Variants in MYOG observed in about 807,000 individuals in gnomAD.
MYOG encodes the protein myogenin.
MYOG carries 6 observed loss-of-function variants against 17.7 expected under a neutral mutation model. The observed-to-expected ratio is 0.34, with a 90% CI of 0.19 to 0.67. MYOG has a LOEUF of 0.67. MYOG is among the 30% of genes least tolerant of loss of function. The probability of loss-of-function intolerance (pLI) is 0.69; values close to 1 mark genes in which losing one functional copy is unlikely to be tolerated. For synonymous variants in MYOG, 125 were observed against 130.2 expected (o/e 0.96, Z 0.27); for missense variants, 272 against 302.0 (o/e 0.90, Z 0.74).
rs376105946 is a variant in MYOG at position 203,085,570 on chromosome 1, C to T, written c.392G>A (p.Arg131His). 1.4e-5 allele frequency: 22 copies of T among 1,614,056 alleles called. No individual in the cohort carries two copies. The highest frequency in any genetic ancestry group is 1.6e-4 in the Middle Eastern group (1 of 6,084). Residue 131 changes from arginine to histidine, a missense_variant, in exon 1 of 3, where the codon CGC (arginine) becomes CAC (histidine). By Grantham distance (29) the Arg-to-His change is conservative. Coordinates refer to ENST00000241651, the MANE Select transcript of MYOG (RefSeq NM_002479.6). ...ILRSAIQYIERLQALLSSLNQ... is the reference protein window; with the variant it reads ...ILRSAIQYIEHLQALLSSLNQ... ...GAGGGAGCTGAGCAGGGCCTGGAGG[C>T]GCTCGATGTACTGGATGGCACTGCG...
intron 1 of MYOG, 130 bp downstream of exon 1, chr1:203,085,361 C>T: frequency 1.2e-6 from 1 of 821,330 alleles, no homozygotes; most frequent in Non-Finnish European, 1.9e-6. Context: ...CAGGGAAGGG[C>T]TCCTGCAGCC....
chr1:203,084,131 G>T, intron 2 of MYOG, 100 bp from the exon 3 acceptor site: 1 of 1,456,302 alleles, frequency 6.9e-7, no homozygotes, highest in Non-Finnish European at 9.3e-7. Context: ...GGTTTTCCAG[G>T]ACAGATGAAT....
rs919519974 is a variant in MYOG at position 203,084,647 on chromosome 1, C to A, written c.553G>T (p.Asp185Tyr). Residue 185 changes from aspartate (D) to tyrosine (Y), a missense_variant and splice_region_variant, in exon 2 of 3, where the codon GAT (aspartate) becomes TAT (tyrosine). Physicochemically the swap from Asp to Tyr is radical, Grantham distance 160 (BLOSUM62 -3). Transcript: ENST00000241651. The part of the protein sequence containing the change: ...SALEFSANPG[D>Y]HLLTADPTDA... ...AGGTTACCAGTCAGGCCTTACTTAC[C>A]CCCTGGGTTGGCGCTGAACTCCAGT... The A allele has an allele frequency of 6.2e-7, 1 of 1,609,574 alleles. No individual in the cohort carries two copies. Among genetic ancestry groups the A allele is most frequent in the Non-Finnish European group, 8.5e-7 (1 of 1,177,884 alleles).
chr1:203,085,990 C>T lies in MYOG; in HGVS notation c.-29G>A, dbSNP rs534265079. ...GTCGGAAAAGGCTTGTTCCTGCCACCAGCCCCCAAGCTCCAGCAGCCCCTC... is the reference window on the plus strand; with the variant it reads ...GTCGGAAAAGGCTTGTTCCTGCCACTAGCCCCCAAGCTCCAGCAGCCCCTC... On this transcript the variant is annotated 5_prime_UTR_variant, in exon 1 of 3. Transcript: ENST00000241651. 4.2e-5 allele frequency: 63 copies of T among 1,482,594 alleles called. No homozygotes were observed. In the South Asian group the frequency reaches 7.7e-4, roughly 18 times the overall value. The allele number at this position is 1,482,594 out of a possible 1,614,324, so 91.8% of individuals were successfully genotyped here.
At chr1:203,085,429 C>G (rs1571761950) in intron 1 of MYOG, 62 bp downstream of exon 1, 2 of 1,445,762 alleles carry the variant, frequency 1.4e-6, no homozygotes, top group East Asian at 4.8e-5. Context: ...GGTCTTGAGG[C>G]TGTCCAGGTG....
In MYOG at chr1:203,085,596, C is replaced by T. The variant is rs759205441; in HGVS notation, c.366G>A (p.Leu122=). Residue 122 remains leucine (L), a synonymous_variant, in exon 1 of 3, where the codon CTG becomes CTA. Coordinates refer to ENST00000241651, the MANE Select transcript of MYOG (RefSeq NM_002479.6). ...GCTCGATGTACTGGATGGCACTGCG[C>T]AGGATCTCCACCTTGGGCAGCCGCT... ...PNQRLPKVEI[L]RSAIQYIERL... 1 of 1,614,202 alleles carries T rather than the reference C, an allele frequency of 6.2e-7. No individual in the cohort carries two copies. The highest frequency in any genetic ancestry group is 1.1e-5 in the South Asian group (1 of 91,086).
In MYOG at chr1:203,083,677, G is replaced by C. The variant is rs1653550289; in HGVS notation, c.*233C>G. The C allele has an allele frequency of 3.2e-6, 2 of 628,518 alleles. No homozygotes were observed. The highest frequency in any genetic ancestry group is 4.4e-4 in the Middle Eastern group (1 of 2,284). 38.9% of individuals were successfully genotyped at this position (628,518 alleles called of 1,614,324 possible). A position where few individuals can be genotyped will look rare whatever the true frequency, so the allele number is the denominator to read the frequency against. On this transcript the variant is annotated 3_prime_UTR_variant, in exon 3 of 3. Transcript: ENST00000241651. ...CTCTGGTCCCCTGCTTTACCTCCCTGGAAAGGGGATGCCCTCTCCTCTAAG... is the reference window on the plus strand; with the variant it reads ...CTCTGGTCCCCTGCTTTACCTCCCTCGAAAGGGGATGCCCTCTCCTCTAAG...
rs778917316 is a variant in MYOG, at chr1:203,084,701, C to T, written c.499G>A (p.Ala167Thr). ...GVPSECSSHS[A>T]SCSPEWGSAL... is the part of the protein sequence containing the mutation. ...CTGCCCCACTCTGGACTGCAGGAGG[C>T]GCTGTGAGAGCTGCATTCGCTGGGC... The change falls in exon 2 of 3, where the codon GCC becomes ACC. Residue 167 changes from alanine (A) to threonine (T), a missense_variant. By Grantham distance (58) the Ala-to-Thr change is moderately conservative. Transcript: ENST00000241651. 3.5e-5 allele frequency: 57 copies of T among 1,611,144 alleles called. No homozygotes were observed. In the South Asian group the frequency reaches 5.6e-4, roughly 16 times the overall value.
rs1296818935 is a variant in MYOG at position 203,084,678 on chromosome 1, G to T, written c.522C>A (p.Gly174=). 1 of 1,611,436 alleles carries T rather than the reference G, an allele frequency of 6.2e-7. No homozygotes were observed. Among genetic ancestry groups the T allele is most frequent in the Non-Finnish European group, 8.5e-7 (1 of 1,178,866 alleles). ...SHSASCSPEW[G]SALEFSANPG... is the part of the protein sequence containing the mutation. Reference sequence around the variant, plus strand: ...GGTTGGCGCTGAACTCCAGTGCACTGCCCCACTCTGGACTGCAGGAGGCGC... The same window carrying T: ...GGTTGGCGCTGAACTCCAGTGCACTTCCCCACTCTGGACTGCAGGAGGCGC... The change falls in exon 2 of 3, where the codon GGC becomes GGA. Residue 174 remains glycine, a synonymous_variant. Transcript: ENST00000241651.
At chr1:203,084,554 G>A in intron 2 of MYOG, 93 bp downstream of exon 2, 1 of 1,162,288 alleles carries the variant, frequency 8.6e-7, no homozygotes, top group Non-Finnish European at 1.3e-6. Context: ...CAAGGGAAGA[G>A]GACCGGAGCA....
Position 203,083,384 on chromosome 1 carries a change from C to A in MYOG, c.*526G>T. 3.4e-6 allele frequency: 1 copy of A among 292,810 alleles called. No homozygotes were observed. The highest frequency in any genetic ancestry group is 4.9e-5 in the Admixed American group (1 of 20,416). 18.1% of individuals were successfully genotyped at this position (292,810 alleles called of 1,614,324 possible). On this transcript the variant is annotated 3_prime_UTR_variant, in exon 3 of 3. Transcript: ENST00000241651. ...CAAAACATAAAACCACTGGAAGGTT[C>A]CCAATATTCACTGCAAAAGTTTGGC...
At position 203,083,706 on chromosome 1, in the gene MYOG, G is replaced by A. The variant is rs1245827800; in HGVS notation, c.*204C>T. The A allele has an allele frequency of 3.2e-5, 23 of 724,246 alleles. No homozygotes were observed. Among genetic ancestry groups the A allele is most frequent in the Non-Finnish European group, 4.7e-5 (21 of 447,412 alleles). The allele number at this position is 724,246 out of a possible 1,614,324, so 44.9% of individuals were successfully genotyped here. On this transcript the variant is annotated 3_prime_UTR_variant, in exon 3 of 3. Coordinates refer to ENST00000241651, the MANE Select transcript of MYOG (RefSeq NM_002479.6). ...AGGGGATGCCCTCTCCTCTAAGGAG[G>A]CAGCTGAATGAGGGCGTCCAGTCCC...
At chr1:203,085,221 C>A (rs570210495) in intron 1 of MYOG, among the ~76,000 whole-genome samples, 28 of 152,294 alleles carry the variant, frequency 1.8e-4, no homozygotes, top group Non-Finnish European at 3.2e-4. Context: ...CTGACTGTGG[C>A]CTTGCTCCTG....
Position 203,083,642 on chromosome 1 carries a change from C to G in MYOG, c.*268G>C, listed in dbSNP as rs999879726. On this transcript the variant is annotated 3_prime_UTR_variant, in exon 3 of 3. Coordinates refer to ENST00000241651, the MANE Select transcript of MYOG (RefSeq NM_002479.6). ...TTTGCCCCCTGAGCTGGGGCATACA[C>G]GAGGGGGCGCTCTGGTCCCCTGCTT... is the stretch of plus-strand genomic sequence containing the variant. 2 of 575,070 alleles carry G rather than the reference C, an allele frequency of 3.5e-6. No individual in the cohort carries two copies. The highest frequency in any genetic ancestry group is 5.5e-5 in the East Asian group (2 of 36,044). The allele number at this position is 575,070 out of a possible 1,614,324, so 35.6% of individuals were successfully genotyped here.
In MYOG at chr1:203,085,560, G is replaced by A. The variant is rs1466957152; in HGVS notation, c.402C>T (p.Ala134=). The part of the protein sequence containing the change: ...SAIQYIERLQ[A]LLSSLNQEER... ...CCTCCTGGTTGAGGGAGCTGAGCAG[G>A]GCCTGGAGGCGCTCGATGTACTGGA... is the stretch of plus-strand genomic sequence containing the variant. Residue 134 remains alanine, a synonymous_variant, in exon 1 of 3, where the codon GCC becomes GCT. Coordinates refer to ENST00000241651, the MANE Select transcript of MYOG (RefSeq NM_002479.6). The A allele has an allele frequency of 1.2e-6, 2 of 1,614,070 alleles. No homozygotes were observed. The highest frequency in any genetic ancestry group is 1.7e-6 in the Non-Finnish European group (2 of 1,180,006).
Position 203,083,919 on chromosome 1 carries a change from C to A in MYOG, c.666G>T (p.Met222Ile), listed in dbSNP as rs754253308. The A allele has an allele frequency of 3.1e-6, 5 of 1,589,886 alleles. No homozygotes were observed. The highest frequency in any genetic ancestry group is 4.3e-6 in the Non-Finnish European group (5 of 1,167,528). ...DVSVAFPDET[M>I]PN is the part of the protein sequence containing the mutation. ...GGCTTGGAAGACAATCTCAGTTGGG[C>A]ATGGTTTCATCTGGGAAGGCCACAG... Residue 222 changes from methionine to isoleucine, a missense_variant, in exon 3 of 3, where the codon ATG becomes ATT. Transcript: ENST00000241651.
rs143820858 is a variant in MYOG, at chr1:203,083,920, A to G, written c.665T>C (p.Met222Thr). 1.3e-5 allele frequency: 20 copies of G among 1,590,286 alleles called. No homozygotes were observed. Among genetic ancestry groups the G allele is most frequent in the Non-Finnish European group, 1.6e-5 (19 of 1,167,824 alleles). Residue 222 changes from methionine to threonine, a missense_variant, in exon 3 of 3, where the codon ATG becomes ACG. Physicochemically the swap from Met to Thr is moderately conservative, Grantham distance 81 (BLOSUM62 -1). Transcript: ENST00000241651. ...GCTTGGAAGACAATCTCAGTTGGGC[A>G]TGGTTTCATCTGGGAAGGCCACAGA... ...DVSVAFPDET[M>T]PN
chr1:203,085,724 C>A lies in MYOG; in HGVS notation c.238G>T (p.Val80Leu). The change falls in exon 1 of 3, where the codon GTG becomes TTG. Residue 80 changes from valine (V) to leucine (L), a missense_variant. Transcript: ENST00000241651. ...CKVCKRKSVS[V>L]DRRRAATLRE... is the part of the protein sequence containing the mutation. ...AGTGTGGCCGCCCGCCGCCGGTCCA[C>A]GGACACCGACTTCCTCTTACACACC... is the stretch of plus-strand genomic sequence containing the variant. The A allele has an allele frequency of 6.2e-7, 1 of 1,614,134 alleles. No homozygotes were observed. Among genetic ancestry groups the A allele is most frequent in the Non-Finnish European group, 8.5e-7 (1 of 1,179,996 alleles).
At position 203,083,866 on chromosome 1, in the gene MYOG, C is replaced by T; in HGVS notation, c.*44G>A. Reference sequence around the variant, plus strand: ...GCTACAGAAGTAGTGGCATCTGTGGCCAGCTTGGGGGGCTCGCAAGGATGC... The same window carrying T: ...GCTACAGAAGTAGTGGCATCTGTGGTCAGCTTGGGGGGCTCGCAAGGATGC... On this transcript the variant is annotated 3_prime_UTR_variant, in exon 3 of 3. Transcript: ENST00000241651. The T allele has an allele frequency of 6.4e-7, 1 of 1,570,698 alleles. No individual in the cohort carries two copies. The highest frequency in any genetic ancestry group is 1.2e-5 in the South Asian group (1 of 85,588).
Sources: allele counts gnomAD v4.1 joint callset (sites outside exome capture counted in the v4.1 genomes callset), GRCh38; gene constraint gnomAD v4.1.1; transcripts MANE v1.5; gene names NCBI Gene and HGNC (gene_info 2026-07-23, HGNC 2026-07-21).